SLC38A11: variants seen among roughly 807,000 people sequenced by gnomAD.
SLC38A11 encodes putative sodium-coupled neutral amino acid transporter 11.
SLC38A11 carries 51 observed loss-of-function variants against 49.4 expected under a neutral mutation model. The ratio of observed to expected loss-of-function variants is 1.03; its 90% CI spans 0.83 to 1.30. SLC38A11 has a LOEUF of 1.30. Among genes scored for constraint, SLC38A11 ranks in the 50% most tolerant of loss-of-function variants. The probability of loss-of-function intolerance (pLI) is 0.00; values close to 1 mark genes in which losing one functional copy is unlikely to be tolerated. For synonymous variants in SLC38A11, 203 were observed against 192.9 expected, an observed-to-expected ratio of 1.05 and a Z score of -0.43; for missense variants, 574 against 556.2, an observed-to-expected ratio of 1.03 and a Z score of -0.32.
chr2:164,915,161 A>G lies in SLC38A11; in HGVS notation c.801T>C (p.Cys267=), dbSNP rs897912947. ...AGTATCCACATGTAGCAAAGAATAT[A>G]CAGATAAATACAGAAATCACGATGG... ...HMSIVISVFI[C]IFFATCGYLT... The change falls in exon 9 of 12, where the codon TGT becomes TGC. Residue 267 remains cysteine (C), a synonymous_variant. Transcript: ENST00000685975. The G allele has an allele frequency of 5.9e-5, 95 of 1,612,000 alleles. No homozygotes were observed. Among genetic ancestry groups the G allele is most frequent in the Non-Finnish European group, 8.0e-5 (94 of 1,178,928 alleles).
intron 11 of SLC38A11, among the ~76,000 whole-genome samples, chr2:164,901,767 C>T (rs569638049): frequency 2.0e-5 from 3 of 152,114 alleles, no homozygotes; most frequent in Non-Finnish European, 2.9e-5. Context: ...TCTGATTGCT[C>T]TTGCTAGTAC....
chr2:164,922,980 T>A (rs187954629), intron 7 of SLC38A11, among the ~76,000 whole-genome samples: 67 of 152,262 alleles, frequency 4.4e-4, no homozygotes, highest in African/African-American at 1.6e-3. Context: ...GGGGAGAGGA[T>A]TCCCTAGCCA....
chr2:164,898,705 A>G lies in SLC38A11; in HGVS notation c.1121T>C (p.Ile374Thr), dbSNP rs1219029762. 6 of 1,613,386 alleles carry G rather than the reference A, an allele frequency of 3.7e-6. No homozygotes were observed. The highest frequency in any genetic ancestry group is 2.7e-5 in the African/African-American group (2 of 75,012). Residue 374 changes from isoleucine to threonine, a missense_variant, in exon 12 of 12, where the codon ATT becomes ACT. Ile to Thr is a moderately conservative substitution (Grantham distance 89). Transcript: ENST00000685975. ...LNGVLCATPL[I>T]FIIPSACYLK... ...ATAACAGGCTGATGGAATGATAAAA[A>G]TGAGGGGAGTTGCACAGAGCACACC... is the stretch of plus-strand genomic sequence containing the variant.
intron 7 of SLC38A11, chr2:164,922,219 C>T (rs1002715444): frequency 1.3e-5 from 2 of 152,166 alleles, no homozygotes; most frequent in African/African-American, 2.4e-5. Context: ...CTATGATACC[C>T]GCCCAAACTC....
chr2:164,951,045 T>C (rs1688490397), intron 3 of SLC38A11, among the ~76,000 whole-genome samples: 1 of 152,196 alleles, frequency 6.6e-6, no homozygotes, highest in African/African-American at 2.4e-5. Flanking sequence ...AATAAGTAAA[T>C]TTGCAATATG....
intron 3 of SLC38A11, among the ~76,000 whole-genome samples, chr2:164,946,725 G>T (rs547874000): frequency 6.6e-6 from 1 of 152,146 alleles, no homozygotes; most frequent in South Asian, 2.1e-4. Flanking sequence ...TTGGTACACA[G>T]CTACACACAC....
intron 9 of SLC38A11, 107 bp downstream of exon 9, chr2:164,915,005 T>G: frequency 3.9e-6 from 4 of 1,012,724 alleles, no homozygotes; most frequent in South Asian, 2.3e-5. Context: ...TGGAAGAGAG[T>G]AATCTTTGAA....
intron 8 of SLC38A11, 115 bp from the exon 9 acceptor site, chr2:164,915,388 A>G (rs1685710802): frequency 1.2e-6 from 1 of 850,876 alleles, no homozygotes; most frequent in African/African-American, 1.7e-5. Context: ...GTTTAAACAT[A>G]CAACTTTATT....
chr2:164,911,576 C>T (rs1186966260), intron 10 of SLC38A11, 60 bp downstream of exon 10: 1 of 789,362 alleles, frequency 1.3e-6, no homozygotes, highest in Non-Finnish European at 1.9e-6. Context: ...ATAAATCTTC[C>T]TAAATTAAAT....
At chr2:164,952,610 A>G in intron 3 of SLC38A11, 97 bp downstream of exon 3, 1 of 836,948 alleles carries the variant, frequency 1.2e-6, no homozygotes, top group Non-Finnish European at 2.0e-6. Flanking sequence ...TTAATTAACT[A>G]GGAAATTCAG....
At chr2:164,934,708 C>T (rs1201479347) in intron 7 of SLC38A11, among the ~76,000 whole-genome samples, 1 of 151,996 alleles carries the variant, frequency 6.6e-6, no homozygotes, top group Non-Finnish European at 1.5e-5. Flanking sequence ...GATTTTTTTC[C>T]CTGTAAACAC....
chr2:164,940,750 G>A (rs937932533), intron 5 of SLC38A11, among the ~76,000 whole-genome samples: 2 of 149,666 alleles, frequency 1.3e-5, no homozygotes, highest in Admixed American at 6.7e-5. Context: ...TGTATATGAT[G>A]TATATATATA....
chr2:164,953,072 G>A lies in SLC38A11; in HGVS notation c.155-291C>T, dbSNP rs376398399. On this transcript the variant is annotated intron_variant, in intron 2 of 11. Transcript: ENST00000685975. ...ACAAATGCCAGTTCACACAAATAACGTTTACTTCAGGGTAAGAGTGACATA... is the reference window on the plus strand; with the variant it reads ...ACAAATGCCAGTTCACACAAATAACATTTACTTCAGGGTAAGAGTGACATA... The A allele has an allele frequency of 9.0e-3, 2,846 of 315,708 alleles. 22 individuals carry two copies. The highest frequency in any genetic ancestry group is 0.013 in the Non-Finnish European group (2,156 of 170,624). The allele number at this position is 315,708 out of a possible 1,614,324, so 19.6% of individuals were successfully genotyped here.
chr2:164,905,571 A>G (rs1455327909), intron 11 of SLC38A11, among the ~76,000 whole-genome samples: 7 of 152,164 alleles, frequency 4.6e-5, no homozygotes, highest in Non-Finnish European at 4.4e-5. Flanking sequence ...CACAAAAAGG[A>G]GTTGAGTAAA....
rs575865976 is a variant in SLC38A11 at position 164,913,054 on chromosome 2, A to C, written c.851-1306T>G. ...TTTTAAGATCAATACTCAATACTAC[A>C]CCATTTAAAAAGAAGAAAAGCTATA... On this transcript the variant is annotated intron_variant, in intron 9 of 11. Transcript: ENST00000685975. 2.0e-5 allele frequency among the ~76,000 whole-genome samples: 3 copies of C among 152,150 alleles called. No homozygotes were observed. In the East Asian group the frequency reaches 5.8e-4, roughly 29 times the overall value.
intron 7 of SLC38A11, among the ~76,000 whole-genome samples, chr2:164,931,075 G>A (rs1469460327): frequency 2.6e-5 from 4 of 151,780 alleles, no homozygotes; most frequent in African/African-American, 4.8e-5. Flanking sequence ...CAAAATCAAT[G>A]TATAAAAATC....
intron 5 of SLC38A11, among the ~76,000 whole-genome samples, chr2:164,943,824 T>C (rs900691132): frequency 4.6e-5 from 7 of 152,130 alleles, no homozygotes; most frequent in Non-Finnish European, 8.8e-5. Context: ...TATGACTATA[T>C]GCCTTTGTCA....
rs1478258400 is a variant in SLC38A11 at position 164,898,419 on chromosome 2, AT to A, written c.*17del. 6.4e-7 allele frequency: 1 copy of A among 1,558,846 alleles called. No homozygotes were observed. The highest frequency in any genetic ancestry group is 8.8e-7 in the Non-Finnish European group (1 of 1,134,874). ...TTTTAAAGTCTATGAAAACATACAT[AT>A]TTTTAAAGCAGTCAACTCATTGAAA... On this transcript the variant is annotated 3_prime_UTR_variant, in exon 12 of 12. Coordinates refer to ENST00000685975, the MANE Select transcript of SLC38A11 (RefSeq NM_001351537.2).
chr2:164,940,703 G>T (rs1242817547), intron 5 of SLC38A11, among the ~76,000 whole-genome samples: 3 of 149,862 alleles, frequency 2.0e-5, no homozygotes, highest in Non-Finnish European at 4.4e-5. Context: ...ATGATTATTA[G>T]ATTATTAGTA....
Sources: allele counts gnomAD v4.1 joint callset (sites outside exome capture counted in the v4.1 genomes callset), GRCh38; gene constraint gnomAD v4.1.1; transcripts MANE v1.5; gene names NCBI Gene and HGNC (gene_info 2026-07-23, HGNC 2026-07-21).